CYB5R4: variants seen among roughly 807,000 people sequenced by gnomAD.
CYB5R4 encodes cytochrome b5 reductase 4.
In CYB5R4, 55 loss-of-function variants were observed where a neutral mutation model predicts 70.2. The observed-to-expected ratio is 0.78, with a 90% CI of 0.63 to 0.98. The LOEUF is 0.98. CYB5R4 is among the 50% of genes least tolerant of loss of function. CYB5R4 has a pLI of 0.00. For missense variants in CYB5R4, 562 were observed against 612.6 expected, an observed-to-expected ratio of 0.92 and a Z score of 0.87; for synonymous variants, 197 against 199.5, an observed-to-expected ratio of 0.99 and a Z score of 0.11.
intron 4 of CYB5R4, among the ~76,000 whole-genome samples, chr6:83,910,725 G>A (rs1362620771): frequency 6.6e-6 from 1 of 152,120 alleles, no homozygotes; most frequent in Non-Finnish European, 1.5e-5. Flanking sequence ...GGACAGGAAT[G>A]GAAAATAACT....
At position 83,955,355 on chromosome 6, in the gene CYB5R4, A is replaced by T; in HGVS notation, c.1404A>T (p.Gly468=). 3.7e-6 allele frequency: 6 copies of T among 1,613,978 alleles called. No homozygotes were observed. The highest frequency in any genetic ancestry group is 5.1e-6 in the Non-Finnish European group (6 of 1,179,916). Reference sequence around the variant, plus strand: ...TTTCTGAATGGAATGGCAAACAGGGACATATTTCACCAGCTCTTCTTTCTG... The same window carrying T: ...TTTCTGAATGGAATGGCAAACAGGGTCATATTTCACCAGCTCTTCTTTCTG... The part of the protein sequence containing the change: ...APISEWNGKQ[G]HISPALLSEF... The change falls in exon 15 of 16, where the codon GGA becomes GGT. Residue 468 remains glycine (G), a synonymous_variant. Coordinates refer to ENST00000369681, the MANE Select transcript of CYB5R4 (RefSeq NM_016230.4).
intron 2 of CYB5R4, among the ~76,000 whole-genome samples, chr6:83,882,349 A>G (rs1412874945): frequency 6.6e-6 from 1 of 152,170 alleles, no homozygotes; most frequent in Non-Finnish European, 1.5e-5. Context: ...AGAAGGGTAT[A>G]AACTGTCTAA....
At chr6:83,861,931 C>CTA (rs2099456010) in intron 1 of CYB5R4, among the ~76,000 whole-genome samples, 1 of 152,156 alleles carries the variant, frequency 6.6e-6, no homozygotes, top group Admixed American at 6.5e-5. Flanking sequence ...AATTAACCCA[C>CTA]GGTAAAATTA....
At chr6:83,902,029 A>G (rs2099463060) in intron 3 of CYB5R4, among the ~76,000 whole-genome samples, 1 of 152,118 alleles carries the variant, frequency 6.6e-6, no homozygotes, top group Non-Finnish European at 1.5e-5. Flanking sequence ...TAAGTTTAAT[A>G]TAGTTACATT....
Position 83,919,406 on chromosome 6 carries a change from G to A in CYB5R4, c.516G>A (p.Trp172Ter). Reference sequence around the variant, plus strand: ...TATTTATATTTTACAGCTATGATTGGTTCCAAACAGACTCTTTAGTCACCA... The same window carrying A: ...TATTTATATTTTACAGCTATGATTGATTCCAAACAGACTCTTTAGTCACCA... ...KEGPSYPSYD[W>*]FQTDSLVTIA... The change falls in exon 7 of 16, where the codon TGG becomes TGA. Residue 172 changes from tryptophan to a stop codon, truncating the protein, a stop_gained. Coordinates refer to ENST00000369681, the MANE Select transcript of CYB5R4 (RefSeq NM_016230.4). LOFTEE classifies it high-confidence loss of function. 1.3e-6 allele frequency: 2 copies of A among 1,506,740 alleles called. No individual in the cohort carries two copies. The highest frequency in any genetic ancestry group is 1.8e-6 in the Non-Finnish European group (2 of 1,104,828). The allele number at this position is 1,506,740 out of a possible 1,614,324, so 93.3% of individuals were successfully genotyped here.
At chr6:83,876,174 A>G (rs901097030) in intron 2 of CYB5R4, among the ~76,000 whole-genome samples, 6 of 152,346 alleles carry the variant, frequency 3.9e-5, no homozygotes, top group Non-Finnish European at 7.4e-5. Flanking sequence ...TTCATGGTCT[A>G]TCAATTCAAA....
chr6:83,929,124 C>G (rs1368387154), intron 10 of CYB5R4, among the ~76,000 whole-genome samples: 2 of 152,142 alleles, frequency 1.3e-5, no homozygotes, highest in Non-Finnish European at 2.9e-5. Flanking sequence ...AAGATAATTT[C>G]ATCTTTCTCT....
rs1051911133 is a variant in CYB5R4, at chr6:83,859,725, G to C, written c.-58G>C. ...CTGCCCGGCCACAGAGCCGGAGCTG[G>C]AGGTGCTGTCCCGTCTGGCGGCGAT... On this transcript the variant is annotated 5_prime_UTR_variant, in exon 1 of 16. Transcript: ENST00000369681. 10 of 1,582,226 alleles carry C rather than the reference G, an allele frequency of 6.3e-6. No homozygotes were observed. In the South Asian group the frequency reaches 8.9e-5, roughly 14 times the overall value.
At chr6:83,898,608 C>T (rs1232797092) in intron 3 of CYB5R4, among the ~76,000 whole-genome samples, 2 of 152,154 alleles carry the variant, frequency 1.3e-5, no homozygotes, top group East Asian at 1.9e-4. Context: ...ATGGAATGTT[C>T]TTCCATTTGT....
rs1299857005 is a variant in CYB5R4, at chr6:83,964,472, G to GT, written c.*4595dup. On this transcript the variant is annotated 3_prime_UTR_variant, in exon 16 of 16. Coordinates refer to ENST00000369681, the MANE Select transcript of CYB5R4 (RefSeq NM_016230.4). ...CTGAACTTGAGAGAGATGATTAAGG[G>GT]TATCTGGTGGAAGAAATTTCTAAGC... 1 of 152,870 alleles carries GT rather than the reference G, an allele frequency of 6.5e-6. No individual in the cohort carries two copies. Among genetic ancestry groups the GT allele is most frequent in the East Asian group, 1.9e-4 (1 of 5,236 alleles). 9.5% of individuals were successfully genotyped at this position (152,870 alleles called of 1,614,324 possible). A position where few individuals can be genotyped will look rare whatever the true frequency, so the allele number is the denominator to read the frequency against.
intron 14 of CYB5R4, among the ~76,000 whole-genome samples, chr6:83,944,708 A>T (rs2099470291): frequency 6.6e-6 from 1 of 152,116 alleles, no homozygotes; most frequent in Admixed American, 6.5e-5. Context: ...GTACAAAGAC[A>T]CACATAGGCT....
chr6:83,932,580 C>T (rs998783990), intron 10 of CYB5R4, among the ~76,000 whole-genome samples: 3 of 152,178 alleles, frequency 2.0e-5, no homozygotes, highest in African/African-American at 7.2e-5. Context: ...GTGACTGTCT[C>T]CAGCCACACC....
chr6:83,944,408 C>G (rs1471256798), intron 14 of CYB5R4, among the ~76,000 whole-genome samples: 1 of 152,148 alleles, frequency 6.6e-6, no homozygotes, highest in African/African-American at 2.4e-5. Flanking sequence ...CACCACCAGG[C>G]CTGCCTTACA....
intron 10 of CYB5R4, chr6:83,929,555 G>A (rs932563245): frequency 1.3e-5 from 2 of 151,956 alleles, no homozygotes; most frequent in African/African-American, 4.8e-5. Context: ...TGATTTATAA[G>A]TGTGATGCTT....
intron 3 of CYB5R4, among the ~76,000 whole-genome samples, chr6:83,898,331 T>G (rs1004057890): frequency 2.6e-5 from 4 of 152,166 alleles, no homozygotes; most frequent in African/African-American, 9.7e-5. Context: ...ATATCTCTGT[T>G]TTGGTACCAG....
chr6:83,875,298 A>G (rs1377975037), intron 2 of CYB5R4, among the ~76,000 whole-genome samples: 3 of 152,058 alleles, frequency 2.0e-5, no homozygotes, highest in Non-Finnish European at 4.4e-5. Flanking sequence ...TTTTTTAGAT[A>G]CTGAGTCTCA....
At chr6:83,879,514 A>G (rs2099459118) in intron 2 of CYB5R4, among the ~76,000 whole-genome samples, 1 of 152,104 alleles carries the variant, frequency 6.6e-6, no homozygotes, top group African/African-American at 2.4e-5. Flanking sequence ...CTTTCCATCA[A>G]TAGATGGCTT....
chr6:83,890,229 A>G (rs909973561), intron 2 of CYB5R4, among the ~76,000 whole-genome samples: 1 of 152,240 alleles, frequency 6.6e-6, no homozygotes, highest in African/African-American at 2.4e-5. Context: ...TCTGGATGCC[A>G]TTAAGAACAT....
Position 83,960,266 on chromosome 6 carries a change from A to G in CYB5R4, c.*388A>G, listed in dbSNP as rs2099473121. 6.2e-6 allele frequency: 1 copy of G among 161,830 alleles called. No individual in the cohort carries two copies. The highest frequency in any genetic ancestry group is 1.3e-5 in the Non-Finnish European group (1 of 74,730). The allele number at this position is 161,830 out of a possible 1,614,324, so 10.0% of individuals were successfully genotyped here. A position where few individuals can be genotyped will look rare whatever the true frequency, so the allele number is the denominator to read the frequency against. On this transcript the variant is annotated 3_prime_UTR_variant, in exon 16 of 16. Coordinates refer to ENST00000369681, the MANE Select transcript of CYB5R4 (RefSeq NM_016230.4). ...AAATGTCTTATTAGCAATACAGATT[A>G]AATTTTACCTTGCACTGTTAACTCA...
Sources: allele counts gnomAD v4.1 joint callset (sites outside exome capture counted in the v4.1 genomes callset), GRCh38; gene constraint gnomAD v4.1.1; transcripts MANE v1.5; gene names NCBI Gene and HGNC (gene_info 2026-07-23, HGNC 2026-07-21).